Variants in CPN1 observed in about 807,000 individuals in gnomAD.
The protein encoded by CPN1 is carboxypeptidase N catalytic chain.
In CPN1, 37 loss-of-function variants were observed where a neutral mutation model predicts 46.4. The observed-to-expected ratio is 0.80, with a 90% CI of 0.61 to 1.05. The LOEUF (loss-of-function observed/expected upper bound fraction) is 1.05. Ranked by LOEUF, CPN1 falls within the 50% of genes least tolerant of loss-of-function variation. The pLI is 0.00. For missense variants in CPN1, 563 were observed against 602.6 expected, an observed-to-expected ratio of 0.93 and a Z score of 0.69; for synonymous variants, 224 against 235.4, an observed-to-expected ratio of 0.95 and a Z score of 0.44.
intron 8 of CPN1, 47 bp downstream of exon 8, chr10:100,048,711 T>G (rs370574814): frequency 7.5e-7 from 1 of 1,326,942 alleles, no homozygotes; most frequent in Non-Finnish European, 1.1e-6. Context: ...AAAAAAAGAC[T>G]GTATAAGTGA....
intron 5 of CPN1, among the ~76,000 whole-genome samples, chr10:100,063,088 C>T (rs1011112704): frequency 6.6e-6 from 1 of 151,994 alleles, no homozygotes; most frequent in Non-Finnish European, 1.5e-5. Context: ...TTTTACAGGA[C>T]CAAAAGGTGT....
intron 8 of CPN1, 102 bp from the exon 9 acceptor site, chr10:100,042,675 G>GCTTCTCTGGGTCACTGCTAT: frequency 6.9e-7 from 1 of 1,454,146 alleles, no homozygotes; most frequent in Non-Finnish European, 9.5e-7. Flanking sequence ...TTATAGCAGT[G>GCTTCTCTGGGTCACTGCTAT]ACCCAGAGAA....
At chr10:100,043,393 T>C (rs1489064121) in intron 8 of CPN1, among the ~76,000 whole-genome samples, 1 of 123,286 alleles carries the variant, frequency 8.1e-6, no homozygotes, top group Non-Finnish European at 1.7e-5. Context: ...AGATTCCATC[T>C]CAAAAAGAAA....
rs148760694 is a variant in CPN1, at chr10:100,063,725, G to C, written c.760C>G (p.Leu254Val). Residue 254 changes from leucine (L) to valine (V), a missense_variant and splice_region_variant, in exon 5 of 9, where the codon CTG becomes GTG. Leu to Val is a conservative substitution (Grantham distance 32, BLOSUM62 1). Coordinates refer to ENST00000370418, the MANE Select transcript of CPN1 (RefSeq NM_001308.3). ...TGTGCATAGGAGTAGACCTTGGCCA[G>C]CTAGAGGAAAAGCAGGAGGAAAACG... ...PTPDDKLFQKLAKVYSYAHGW... is the reference protein window; with the variant it reads ...PTPDDKLFQKVAKVYSYAHGW... 1.5e-5 allele frequency: 24 copies of C among 1,612,722 alleles called. No homozygotes were observed. The African/African-American group carries it at 3.1e-4, about 21-fold the overall frequency.
chr10:100,048,909 G>A (rs2041333185), intron 7 of CPN1, 33 bp from the exon 8 acceptor site: 2 of 1,526,316 alleles, frequency 1.3e-6, no homozygotes, highest in Non-Finnish European at 1.8e-6. Context: ...TCAGTCTACT[G>A]ATTAAAAATC....
chr10:100,052,337 C>T (rs1300526096), intron 7 of CPN1, among the ~76,000 whole-genome samples: 1 of 152,016 alleles, frequency 6.6e-6, no homozygotes, highest in African/African-American at 2.4e-5. Flanking sequence ...TCCCAAAGTG[C>T]TGGGATTACA....
intron 8 of CPN1, among the ~76,000 whole-genome samples, chr10:100,042,903 G>A (rs1313787024): frequency 6.6e-6 from 1 of 151,778 alleles, no homozygotes; most frequent in East Asian, 1.9e-4. Context: ...ACCACACCGG[G>A]CAATATGGTG....
chr10:100,056,715 A>G (rs1262132634), intron 6 of CPN1, among the ~76,000 whole-genome samples: 1 of 141,836 alleles, frequency 7.1e-6, no homozygotes, highest in African/African-American at 2.9e-5. Flanking sequence ...ATGCTTGGCT[A>G]TCTTTTTTTT....
Position 100,081,478 on chromosome 10 carries a change from T to C in CPN1, c.148A>G (p.Ser50Gly). 6.2e-7 allele frequency: 1 copy of C among 1,614,136 alleles called. No individual in the cohort carries two copies. The highest frequency in any genetic ancestry group is 1.3e-5 in the African/African-American group (1 of 75,020). ...CTCCCCTCCACGCTGCGCCCAATGC[T>C]GTAGACCCGCGTGATGCCGGGGCAT... ...NECPGITRVYSIGRSVEGRHL... is the reference protein window; with the variant it reads ...NECPGITRVYGIGRSVEGRHL... The change falls in exon 1 of 9, where the codon AGC becomes GGC. Residue 50 changes from serine to glycine, a missense_variant. Physicochemically the swap from Ser to Gly is moderately conservative, Grantham distance 56 (BLOSUM62 0). Transcript: ENST00000370418.
chr10:100,055,349 T>C (rs1828679018), intron 6 of CPN1, among the ~76,000 whole-genome samples: 2 of 144,226 alleles, frequency 1.4e-5, no homozygotes, highest in African/African-American at 5.1e-5. Context: ...TTCTCCATTA[T>C]CCCCCCCCCC....
chr10:100,077,478 G>A (rs926461207), intron 1 of CPN1, among the ~76,000 whole-genome samples: 2 of 151,968 alleles, frequency 1.3e-5, no homozygotes, highest in African/African-American at 2.4e-5. Context: ...TGATCCACCC[G>A]CCTTGGCCTC....
intron 1 of CPN1, among the ~76,000 whole-genome samples, chr10:100,080,181 GA>G (rs2041536518): frequency 6.6e-6 from 1 of 152,176 alleles, no homozygotes; most frequent in Non-Finnish European, 1.5e-5. Context: ...AGGGGATGTG[GA>G]AGCGAAGAGG....
At chr10:100,068,210 G>C (rs565291228) in intron 3 of CPN1, among the ~76,000 whole-genome samples, 3 of 145,714 alleles carry the variant, frequency 2.1e-5, no homozygotes, top group African/African-American at 7.7e-5. Context: ...TAGATTCCCT[G>C]AACTTTTTTT....
intron 2 of CPN1, among the ~76,000 whole-genome samples, chr10:100,071,652 T>C (rs77111138): frequency 0.013 from 1,963 of 152,248 alleles, 41 homozygotes; most frequent in African/African-American, 0.046. Flanking sequence ...TGATTGAAAA[T>C]GTAGTTAGGC....
At chr10:100,066,807 A>G (rs1053357046) in intron 3 of CPN1, among the ~76,000 whole-genome samples, 8 of 152,240 alleles carry the variant, frequency 5.3e-5, no homozygotes, top group African/African-American at 1.7e-4. Context: ...AGTCTTAATC[A>G]GAATGAATAT....
At chr10:100,067,407 C>T (rs1220001365) in intron 3 of CPN1, among the ~76,000 whole-genome samples, 2 of 152,180 alleles carry the variant, frequency 1.3e-5, no homozygotes, top group Non-Finnish European at 2.9e-5. Flanking sequence ...TGAGCCACTG[C>T]GCCCAGCCTT....
chr10:100,051,750 A>G (rs1178784957), intron 7 of CPN1, among the ~76,000 whole-genome samples: 2 of 152,172 alleles, frequency 1.3e-5, no homozygotes, highest in Non-Finnish European at 2.9e-5. Context: ...GCTGGTCTTG[A>G]ACTCCTGACC....
chr10:100,058,850 G>T (rs1259094378), intron 5 of CPN1, among the ~76,000 whole-genome samples: 1 of 152,168 alleles, frequency 6.6e-6, no homozygotes, highest in Admixed American at 6.6e-5. Context: ...CAGGTATATA[G>T]ATCAATGGAA....
intron 1 of CPN1, among the ~76,000 whole-genome samples, 193 bp downstream of exon 1, chr10:100,081,210 G>A (rs2041542666): frequency 6.6e-6 from 1 of 152,208 alleles, no homozygotes. Flanking sequence ...AAGATCTGAA[G>A]GCTGAAGGAG....
Sources: gnomAD v4.1 joint callset for allele counts (sites outside exome capture counted in the v4.1 genomes callset) on GRCh38, gnomAD v4.1.1 for gene constraint, MANE v1.5 for transcripts, NCBI Gene and HGNC (gene_info 2026-07-23, HGNC 2026-07-21) for gene names.